The following PDE11A variants were observed in gnomAD, a reference collection of about 807,000 sequenced individuals.
PDE11A encodes dual 3',5'-cyclic-AMP and -GMP phosphodiesterase 11A.
PDE11A carries 100 observed loss-of-function variants against 100.5 expected under a neutral mutation model. The ratio of observed to expected loss-of-function variants is 1.00; its 90% CI spans 0.85 to 1.18. The LOEUF (loss-of-function observed/expected upper bound fraction) is 1.18. Among genes scored for constraint, PDE11A ranks in the 50% most tolerant of loss-of-function variants. The pLI is 0.00. For missense variants in PDE11A, 1,141 were observed against 1,152.6 expected, an observed-to-expected ratio of 0.99 and a Z score of 0.15; for synonymous variants, 381 against 420.8, an observed-to-expected ratio of 0.91 and a Z score of 1.16.
chr2:177,824,211 A>G (rs3770048), intron 6 of PDE11A, among the ~76,000 whole-genome samples: 55,930 of 151,934 alleles, frequency 0.37, 11,091 homozygotes, highest in African/African-American at 0.51. Flanking sequence ...TGGGGAACAC[A>G]GGAAATTTGA....
chr2:177,730,547 A>AT (rs984247293), intron 10 of PDE11A, among the ~76,000 whole-genome samples: 1 of 142,688 alleles, frequency 7.0e-6, no homozygotes, highest in Non-Finnish European at 1.5e-5. Context: ...CATTTCTCAT[A>AT]TTTTTTCTTT....
chr2:178,041,731 T>C (rs1287285390), intron 1 of PDE11A, among the ~76,000 whole-genome samples: 2 of 152,180 alleles, frequency 1.3e-5, no homozygotes, highest in South Asian at 2.1e-4. Context: ...GGATGACAGA[T>C]GTCATTGCCA....
chr2:178,082,709 T>A (rs1043651805), intron 2 of PDE11A, among the ~76,000 whole-genome samples: 3 of 152,208 alleles, frequency 2.0e-5, no homozygotes, highest in Admixed American at 1.3e-4. Flanking sequence ...AGCATTAGCA[T>A]GATCCAAGGG....
At chr2:177,866,211 C>T (rs901969203) in intron 5 of PDE11A, among the ~76,000 whole-genome samples, 1 of 151,984 alleles carries the variant, frequency 6.6e-6, no homozygotes, top group African/African-American at 2.4e-5. Context: ...GGAAGTATAG[C>T]TGATTGACAC....
intron 17 of PDE11A, among the ~76,000 whole-genome samples, chr2:177,672,122 C>G (rs1224223711): frequency 1.3e-5 from 2 of 152,180 alleles, no homozygotes; most frequent in African/African-American, 4.8e-5. Flanking sequence ...CTCACCAACT[C>G]TCCCAGAAGG....
chr2:177,890,109 C>G (rs1202295171), intron 4 of PDE11A, among the ~76,000 whole-genome samples: 1 of 152,188 alleles, frequency 6.6e-6, no homozygotes, highest in Non-Finnish European at 1.5e-5. Context: ...CAGCTTCTGC[C>G]TGGTGAGAAG....
At chr2:177,889,468 T>A (rs1009894827) in intron 4 of PDE11A, among the ~76,000 whole-genome samples, 17 of 151,892 alleles carry the variant, frequency 1.1e-4, no homozygotes, top group African/African-American at 3.6e-4. Flanking sequence ...AATGTCCTAG[T>A]GTTATAATTT....
Position 178,096,164 on chromosome 2 carries a change from C to CTTTTTTTTTTTTTTTTTTTTTTTTTTTTT in PDE11A, c.162+8137_162+8138insAAAAAAAAAAAAAAAAAAAAAAAAAAAAA, listed in dbSNP as rs1257178630. On this transcript the variant is annotated intron_variant, in intron 2 of 20. Transcript: ENST00000358450. ...TCCCCAGAAAACAGGTTTTTCTTTT[C>CTTTTTTTTTTTTTTTTTTTTTTTTTTTTT]TTTTCTTTTTTTTTTTTGAGATGGA... Among the ~76,000 whole-genome samples the CTTTTTTTTTTTTTTTTTTTTTTTTTTTTT allele has an allele frequency of 3.4e-3, 379 of 110,164 alleles. 34 individuals carry two copies. Among genetic ancestry groups the CTTTTTTTTTTTTTTTTTTTTTTTTTTTTT allele is most frequent in the Non-Finnish European group, 4.6e-3 (230 of 50,522 alleles). 72.3% of individuals were successfully genotyped at this position (110,164 alleles called of 152,430 possible).
intron 7 of PDE11A, among the ~76,000 whole-genome samples, chr2:177,819,799 T>G (rs2083103482): frequency 1.3e-5 from 2 of 152,092 alleles, no homozygotes; most frequent in Admixed American, 6.6e-5. Context: ...GAAGCCTGAA[T>G]TTTGTTCCTG....
intron 2 of PDE11A, among the ~76,000 whole-genome samples, chr2:177,990,516 G>C (rs2085989143): frequency 6.6e-6 from 1 of 151,922 alleles, no homozygotes; most frequent in Admixed American, 6.6e-5. Context: ...GAGGCAGGGG[G>C]ATCACAAGGT....
chr2:177,715,426 A>G (rs781718349), intron 12 of PDE11A, among the ~76,000 whole-genome samples: 3 of 151,468 alleles, frequency 2.0e-5, no homozygotes, highest in Non-Finnish European at 2.9e-5. Context: ...TGGAGAATCA[A>G]TTTCTTCAGC....
intron 2 of PDE11A, among the ~76,000 whole-genome samples, chr2:177,993,618 T>C (rs1313023240): frequency 1.3e-5 from 2 of 152,156 alleles, no homozygotes; most frequent in African/African-American, 4.8e-5. Flanking sequence ...TGTTTATCTG[T>C]ATATTTTGGC....
chr2:177,818,606 A>C (rs2105583384), intron 7 of PDE11A, among the ~76,000 whole-genome samples: 1 of 152,296 alleles, frequency 6.6e-6, no homozygotes, highest in East Asian at 1.9e-4. Context: ...CATTCAAGAA[A>C]TGTTAGGAAT....
At chr2:177,860,363 T>C (rs1360247602) in intron 5 of PDE11A, among the ~76,000 whole-genome samples, 1 of 151,756 alleles carries the variant, frequency 6.6e-6, no homozygotes, top group Non-Finnish European at 1.5e-5. Context: ...TTATAGACCA[T>C]ATGTTAGGTC....
intron 2 of PDE11A, among the ~76,000 whole-genome samples, chr2:178,082,884 A>C (rs973964410): frequency 1.3e-5 from 2 of 152,086 alleles, no homozygotes; most frequent in Non-Finnish European, 2.9e-5. Context: ...CTTAGGAGAG[A>C]GTTAGCCAGG....
intron 9 of PDE11A, among the ~76,000 whole-genome samples, chr2:177,809,604 G>A (rs1355795810): frequency 2.6e-5 from 4 of 152,130 alleles, no homozygotes; most frequent in African/African-American, 9.7e-5. Flanking sequence ...CCTCCCTCTT[G>A]AGCCCTGTAC....
Position 177,769,195 on chromosome 2 carries a change from C to T in PDE11A, c.1788+128G>A, listed in dbSNP as rs2105501326. 4.1e-6 allele frequency: 3 copies of T among 729,504 alleles called. No homozygotes were observed. In the South Asian group the frequency reaches 4.6e-5, roughly 11 times the overall value. The allele number at this position is 729,504 out of a possible 1,614,324, so 45.2% of individuals were successfully genotyped here. ...CTAAAACAGAAATATAAAAATACAC[C>T]TTTGCCCAGTGCTAGTCCTCCAGCT... On this transcript the variant is annotated intron_variant, in intron 10 of 19. Coordinates refer to ENST00000286063, the MANE Select transcript of PDE11A (RefSeq NM_016953.4).
chr2:177,677,374 G>A (rs754617570), intron 16 of PDE11A, among the ~76,000 whole-genome samples: 4 of 152,178 alleles, frequency 2.6e-5, no homozygotes, highest in Non-Finnish European at 5.9e-5. Context: ...TGTCAAAGCT[G>A]GGATTGGAAT....
chr2:177,719,325 G>A (rs2081490658), intron 12 of PDE11A, among the ~76,000 whole-genome samples: 1 of 152,186 alleles, frequency 6.6e-6, no homozygotes, highest in Non-Finnish European at 1.5e-5. Context: ...ATCTAATGAT[G>A]TACTAGAAAT....
Sources: gnomAD v4.1 joint callset for allele counts (sites outside exome capture counted in the v4.1 genomes callset) on GRCh38, gnomAD v4.1.1 for gene constraint, MANE v1.5 for transcripts, NCBI Gene and HGNC (gene_info 2026-07-23, HGNC 2026-07-21) for gene names.